Variants in HDAC9 observed in about 807,000 individuals in gnomAD.
HDAC9 encodes the protein MEF-2 interacting transcription repressor (MITR) protein.
Under a neutral mutation model 139.4 loss-of-function variants are expected in HDAC9, and 41 were observed. That is an observed-to-expected ratio of 0.29 (90% CI 0.23 to 0.38). The LOEUF (loss-of-function observed/expected upper bound fraction) is 0.38, where lower values mean the gene tolerates loss of function less well. Among genes scored for constraint, HDAC9 ranks in the 10% least tolerant of loss-of-function variants. The pLI is 1.00. For missense variants in HDAC9, 1,147 were observed against 1,297.0 expected (o/e 0.88, Z 1.78); for synonymous variants, 517 against 476.2 (o/e 1.09, Z -1.12).
At chr7:18,620,791 C>T (rs994739008) in intron 6 of HDAC9, among the ~76,000 whole-genome samples, 4 of 152,128 alleles carry the variant, frequency 2.6e-5, no homozygotes, top group East Asian at 1.9e-4. Flanking sequence ...TCCTACTCTG[C>T]GATGCTTCCA....
At chr7:18,358,447 G>C (rs559348109) in intron 1 of HDAC9, among the ~76,000 whole-genome samples, 35 of 152,296 alleles carry the variant, frequency 2.3e-4, no homozygotes, top group African/African-American at 8.2e-4. Flanking sequence ...ATATTTAAAA[G>C]TGATTTTGGA....
upstream of HDAC9, among the ~76,000 whole-genome samples, chr7:18,289,386 T>A (rs577039276): frequency 2.6e-5 from 4 of 152,354 alleles, no homozygotes; most frequent in East Asian, 7.7e-4. Context: ...ATTGGGGGTA[T>A]ACTAAGAAGG....
chr7:18,217,793 G>T lies in HDAC9; in HGVS notation c.25+55444G>T, dbSNP rs550409418. Among the ~76,000 whole-genome samples the T allele has an allele frequency of 7.9e-5, 12 of 152,336 alleles. 1 individual carries two copies. Among genetic ancestry groups the T allele is most frequent in the African/African-American group, 2.9e-4 (12 of 41,582 alleles). On this transcript the variant is annotated intron_variant, in intron 2 of 12. Transcript: ENST00000417496. ...AATATAGAGAAACATGCTTAGCTAT[G>T]TAACAATTACCCTAAAATTTAACAA...
intron 2 of HDAC9, among the ~76,000 whole-genome samples, chr7:18,249,330 C>T (rs1224794699): frequency 1.3e-5 from 2 of 151,434 alleles, no homozygotes; most frequent in Non-Finnish European, 2.9e-5. Context: ...TGGTGAAACC[C>T]TGTCTCTACT....
Position 18,647,949 on chromosome 7 carries a change from G to T in HDAC9, c.1200G>T (p.Gln400His). 6.2e-7 allele frequency: 1 copy of T among 1,612,414 alleles called. No homozygotes were observed. The highest frequency in any genetic ancestry group is 2.2e-5 in the East Asian group (1 of 44,648). The change falls in exon 10 of 26, where the codon CAG becomes CAT. Residue 400 changes from glutamine to histidine, a missense_variant. Physicochemically the swap from Gln to His is conservative, Grantham distance 24. Coordinates refer to ENST00000686413, the MANE Select transcript of HDAC9 (RefSeq NM_178425.4). ...PPNSSHQALLQHLLLKEQMRQ... is the reference protein window; with the variant it reads ...PPNSSHQALLHHLLLKEQMRQ... ...ACAGCAGCCACCAGGCTCTCCTGCAGCATTTATTATTGAAAGAACAAATGC... is the reference window on the plus strand; with the variant it reads ...ACAGCAGCCACCAGGCTCTCCTGCATCATTTATTATTGAAAGAACAAATGC...
At chr7:18,271,833 A>T (rs1315504885) in intron 2 of HDAC9, among the ~76,000 whole-genome samples, 1 of 152,142 alleles carries the variant, frequency 6.6e-6, no homozygotes, top group Non-Finnish European at 1.5e-5. Flanking sequence ...AAAATCAGTC[A>T]CGTCCTGTTC....
At chr7:18,226,294 C>T (rs751956137) in intron 2 of HDAC9, among the ~76,000 whole-genome samples, 27 of 152,070 alleles carry the variant, frequency 1.8e-4, no homozygotes, top group Non-Finnish European at 3.8e-4. Flanking sequence ...GAGATGTACC[C>T]ATCCAGTTTT....
intron 22 of HDAC9, among the ~76,000 whole-genome samples, chr7:18,920,690 G>A (rs12539449): frequency 0.091 from 13,797 of 152,098 alleles, 890 homozygotes; most frequent in South Asian, 0.26. Context: ...TTTATTGAGC[G>A]TTTTTAGCAT....
chr7:18,555,513 C>T (rs1818524678), intron 2 of HDAC9, among the ~76,000 whole-genome samples: 1 of 151,916 alleles, frequency 6.6e-6, no homozygotes, highest in African/African-American at 2.4e-5. Context: ...ATTGTTGACC[C>T]CCCAAAATAA....
chr7:18,621,812 C>A (rs1040929107), intron 6 of HDAC9, among the ~76,000 whole-genome samples: 2 of 151,994 alleles, frequency 1.3e-5, no homozygotes, highest in East Asian at 3.9e-4. Flanking sequence ...AAAATATGTA[C>A]CTTTTGTATA....
chr7:18,892,817 A>G (rs1800801520), intron 22 of HDAC9, among the ~76,000 whole-genome samples: 1 of 152,148 alleles, frequency 6.6e-6, no homozygotes. Context: ...ATAAAATGCA[A>G]TTAAATCTAC....
chr7:18,792,362 A>C (rs1792397953), intron 16 of HDAC9, among the ~76,000 whole-genome samples: 1 of 149,714 alleles, frequency 6.7e-6, no homozygotes, highest in African/African-American at 2.5e-5. Context: ...TTTGTATTCT[A>C]TTTCCTGGTG....
intron 2 of HDAC9, among the ~76,000 whole-genome samples, chr7:18,276,315 A>G (rs955356438): frequency 6.6e-6 from 1 of 152,214 alleles, no homozygotes; most frequent in Non-Finnish European, 1.5e-5. Flanking sequence ...CCCAAGAGCA[A>G]GTGTGGTATT....
At chr7:18,729,951 A>G (rs1178131) in intron 13 of HDAC9, among the ~76,000 whole-genome samples, 46,594 of 152,100 alleles carry the variant, frequency 0.31, 8,555 homozygotes, top group East Asian at 0.53. Context: ...GAAAGTAAAA[A>G]TTACATTGTA....
intron 2 of HDAC9, among the ~76,000 whole-genome samples, chr7:18,262,361 ATCAAGCAAAAGT>A (rs1562807926): frequency 6.6e-6 from 1 of 152,222 alleles, no homozygotes; most frequent in Non-Finnish European, 1.5e-5. Flanking sequence ...AGGAAAGGCT[ATCAAGCAAAAGT>A]TCTATCTGTA....
At chr7:18,091,711 A>G (rs1035358622) in intron 1 of HDAC9, among the ~76,000 whole-genome samples, 1 of 152,176 alleles carries the variant, frequency 6.6e-6, no homozygotes, top group Non-Finnish European at 1.5e-5. Context: ...ATCTTCTCCC[A>G]TGTTGGCTAG....
intron 14 of HDAC9, 50 bp from the exon 15 acceptor site, chr7:18,762,107 T>A (rs765930729): frequency 3.1e-6 from 5 of 1,609,046 alleles, no homozygotes; most frequent in Middle Eastern, 1.7e-4. Flanking sequence ...TCTCATTTTC[T>A]TCTAAATGTT....
rs774794091 is a variant in HDAC9 at position 18,591,657 on chromosome 7, T to C, written c.542+15T>C. ...CTCTGGTACACGTATGTTCAGTGTT[T>C]GGCTGTTTTCATTCCTGGGGTAAAG... On this transcript the variant is annotated intron_variant, in intron 5 of 25. Transcript: ENST00000686413. The C allele has an allele frequency of 1.9e-6, 3 of 1,611,984 alleles. No individual in the cohort carries two copies. The highest frequency in any genetic ancestry group is 8.5e-7 in the Non-Finnish European group (1 of 1,178,772).
intron 1 of HDAC9, among the ~76,000 whole-genome samples, chr7:18,091,101 A>G (rs2128058195): frequency 6.6e-6 from 1 of 152,348 alleles, no homozygotes; most frequent in Non-Finnish European, 1.5e-5. Flanking sequence ...TTGAATAAGC[A>G]GACAGTACCA....
Sources: gnomAD v4.1 joint callset for allele counts (sites outside exome capture counted in the v4.1 genomes callset) on GRCh38, gnomAD v4.1.1 for gene constraint, MANE v1.5 for transcripts, NCBI Gene and HGNC (gene_info 2026-07-23, HGNC 2026-07-21) for gene names.